The following FARP2 variants were observed in gnomAD, a reference collection of about 807,000 sequenced individuals.
The protein encoded by FARP2 is FERM, ARH/RhoGEF and pleckstrin domain protein 2, also known as FERM, ARHGEF and pleckstrin domain-containing protein 2.
FARP2 carries 111 observed loss-of-function variants against 130.5 expected under a neutral mutation model. That is an observed-to-expected ratio of 0.85 (90% confidence interval 0.73 to 1.00). The LOEUF is 1.00. Ranked by LOEUF, FARP2 falls within the 50% of genes least tolerant of loss-of-function variation. The pLI, the probability that FARP2 is intolerant of heterozygous loss-of-function variation, is 0.00. For missense variants in FARP2, 1,385 were observed against 1,346.3 expected, an observed-to-expected ratio of 1.03 and a Z score of -0.45; for synonymous variants, 504 against 516.9, an observed-to-expected ratio of 0.98 and a Z score of 0.34.
intron 21 of FARP2, among the ~76,000 whole-genome samples, 167 bp downstream of exon 21, chr2:241,484,498 T>A (rs2276690): frequency 0.026 from 3,981 of 152,366 alleles, 402 homozygotes; most frequent in Admixed American, 0.18. Flanking sequence ...TTGTTGGTTG[T>A]TTCTGACCCT....
intron 1 of FARP2, among the ~76,000 whole-genome samples, chr2:241,366,117 ATATACG>A (rs1422516681): frequency 8.7e-4 from 30 of 34,376 alleles, no homozygotes; most frequent in Admixed American, 2.3e-3. Flanking sequence ...ATATATATAT[ATATACG>A]TATATATATA....
intron 21 of FARP2, chr2:241,489,021 A>T (rs1332963123): frequency 3.3e-5 from 5 of 152,378 alleles, no homozygotes; most frequent in Non-Finnish European, 7.3e-5. Context: ...CAAATTCCTT[A>T]CAAAAACACC....
At chr2:241,465,958 G>A in intron 17 of FARP2, 1 of 1,413,044 alleles carries the variant, frequency 7.1e-7, no homozygotes, top group Admixed American at 2.9e-5. Flanking sequence ...TTGTTAATGA[G>A]AAAGTTCTAC....
chr2:241,402,841 TA>T (rs1422394006), intron 2 of FARP2, among the ~76,000 whole-genome samples: 1 of 6,494 alleles, frequency 1.5e-4, no homozygotes, highest in Non-Finnish European at 3.3e-4. Flanking sequence ...CTAATTTATA[TA>T]TATATATATA....
At position 241,403,839 on chromosome 2, in the gene FARP2, T is replaced by C. The variant is rs201506060; in HGVS notation, c.195T>C (p.Asp65=). The stretch of plus-strand genomic sequence containing the variant: ...CTCTCTCTGCACAGCCTAAATGCGA[T>C]GGCCAGGTATTACTGACACAAGTGT... ...MEIFDIEPKC[D]GQVLLTQVWK... Residue 65 remains aspartate, a synonymous_variant, in exon 3 of 27, where the codon GAT becomes GAC. Coordinates refer to ENST00000264042, the MANE Select transcript of FARP2 (RefSeq NM_014808.4). 103 of 1,611,554 alleles carry C rather than the reference T, an allele frequency of 6.4e-5. No homozygotes were observed. The East Asian group carries it at 2.2e-3, about 34-fold the overall frequency.
chr2:241,395,319 A>G (rs895169930), intron 2 of FARP2: 2 of 152,228 alleles, frequency 1.3e-5, no homozygotes, highest in Non-Finnish European at 2.9e-5. Flanking sequence ...AATATACCAA[A>G]AAGTTCAAAG....
intron 19 of FARP2, among the ~76,000 whole-genome samples, chr2:241,479,562 C>A (rs1349987993): frequency 2.6e-5 from 4 of 152,256 alleles, no homozygotes; most frequent in Non-Finnish European, 5.9e-5. Flanking sequence ...GGCTATGATC[C>A]TGCCTGACTC....
intron 1 of FARP2, among the ~76,000 whole-genome samples, chr2:241,361,948 G>A (rs62193201): frequency 0.17 from 25,331 of 151,512 alleles, 2,510 homozygotes; most frequent in East Asian, 0.4. Context: ...AGGCTGGAGT[G>A]CAGTGGTGCA....
intron 24 of FARP2, 70 bp from the exon 25 acceptor site, chr2:241,492,859 G>A (rs1471012586): frequency 2.3e-6 from 2 of 877,752 alleles, no homozygotes; most frequent in Non-Finnish European, 3.8e-6. Flanking sequence ...TTAGTCTTGG[G>A]GAGCAAACCC....
intron 7 of FARP2, 63 bp downstream of exon 7, chr2:241,413,484 C>A: frequency 8.8e-7 from 1 of 1,132,602 alleles, no homozygotes; most frequent in Non-Finnish European, 1.3e-6. Context: ...GAGTGTGTAA[C>A]GAGAAAGGAC....
Position 241,491,175 on chromosome 2 carries a change from C to T in FARP2, c.2619C>T (p.Pro873=), listed in dbSNP as rs2064889775. The change falls in exon 23 of 27, where the codon CCC becomes CCT. Residue 873 remains proline, a synonymous_variant. Coordinates refer to ENST00000264042, the MANE Select transcript of FARP2 (RefSeq NM_014808.4). ...CAGGCCGCACTGTGTGCACTCGTCC[C>T]CCCAGTGAGTGCTGGCCACAACCCC... The part of the protein sequence containing the change: ...ALPGRTVCTR[P]PRSPNEVSLE... 1 of 1,606,728 alleles carries T rather than the reference C, an allele frequency of 6.2e-7. No homozygotes were observed. Among genetic ancestry groups the T allele is most frequent in the African/African-American group, 1.3e-5 (1 of 74,802 alleles).
chr2:241,415,010 C>T (rs934654948), intron 7 of FARP2, among the ~76,000 whole-genome samples: 2 of 152,210 alleles, frequency 1.3e-5, no homozygotes, highest in African/African-American at 2.4e-5. Context: ...ACAGCTCTTA[C>T]GAGCATTTTT....
intron 6 of FARP2, 25 bp from the exon 7 acceptor site, chr2:241,413,278 ATTAG>A (rs1253455439): frequency 1.5e-6 from 2 of 1,370,880 alleles, no homozygotes; most frequent in South Asian, 1.2e-5. Flanking sequence ...TTATTTAAAA[ATTAG>A]TTACTTACTT....
At chr2:241,439,275 C>G (rs922604687) in intron 12 of FARP2, among the ~76,000 whole-genome samples, 2 of 152,196 alleles carry the variant, frequency 1.3e-5, no homozygotes, top group African/African-American at 4.8e-5. Context: ...GCCTCAGCCT[C>G]CCAAAATGTT....
intron 21 of FARP2, among the ~76,000 whole-genome samples, chr2:241,485,521 TCTC>T (rs1198336799): frequency 6.8e-6 from 1 of 147,488 alleles, no homozygotes; most frequent in African/African-American, 2.5e-5. Context: ...CTCCCTGTGA[TCTC>T]CCCTTCCTGG....
At chr2:241,416,280 A>T (rs775904869) in intron 7 of FARP2, among the ~76,000 whole-genome samples, 4 of 152,102 alleles carry the variant, frequency 2.6e-5, no homozygotes, top group Non-Finnish European at 5.9e-5. Context: ...AGCCGGTACG[A>T]GAAGGGTGAG....
chr2:241,376,119 G>A (rs1390552674), intron 2 of FARP2, among the ~76,000 whole-genome samples: 1 of 152,072 alleles, frequency 6.6e-6, no homozygotes, highest in Admixed American at 6.5e-5. Context: ...GGGCAACCTG[G>A]GATTGCCTTA....
At chr2:241,477,356 T>C (rs1453282853) in intron 19 of FARP2, among the ~76,000 whole-genome samples, 1 of 152,052 alleles carries the variant, frequency 6.6e-6, no homozygotes, top group Non-Finnish European at 1.5e-5. Flanking sequence ...TCTCAAGCTC[T>C]TGACCTTGTG....
At chr2:241,367,504 G>A (rs752093941) in intron 1 of FARP2, among the ~76,000 whole-genome samples, 17 of 152,122 alleles carry the variant, frequency 1.1e-4, no homozygotes, top group African/African-American at 2.7e-4. Context: ...CCCCAGGGCC[G>A]AGGGATTGAG....
Sources: gnomAD v4.1 joint callset for allele counts (sites outside exome capture counted in the v4.1 genomes callset) on GRCh38, gnomAD v4.1.1 for gene constraint, MANE v1.5 for transcripts, NCBI Gene and HGNC (gene_info 2026-07-23, HGNC 2026-07-21) for gene names.